SORBS2: variants seen among roughly 807,000 people sequenced by gnomAD.
SORBS2 encodes the protein sorbin and SH3 domain-containing protein 2.
In SORBS2, 46 loss-of-function variants were observed where a neutral mutation model predicts 97.7. The observed-to-expected ratio is 0.47, with a 90% CI of 0.37 to 0.60. The LOEUF is 0.60. Among genes scored for constraint, SORBS2 ranks in the 20% least tolerant of loss-of-function variants. The pLI, the probability that SORBS2 is intolerant of heterozygous loss-of-function variation, is 0.00. For synonymous variants in SORBS2, 476 were observed against 473.4 expected (o/e 1.01, Z -0.07); for missense variants, 1,316 against 1,282.3 (o/e 1.03, Z -0.40).
intron 2 of SORBS2, among the ~76,000 whole-genome samples, chr4:185,685,376 T>G (rs2097936529): frequency 6.6e-6 from 1 of 152,198 alleles, no homozygotes; most frequent in Non-Finnish European, 1.5e-5. Flanking sequence ...TACATTTTTT[T>G]AGGATTCATA....
At chr4:185,721,405 A>C (rs2098513765) in intron 2 of SORBS2, among the ~76,000 whole-genome samples, 2 of 152,230 alleles carry the variant, frequency 1.3e-5, no homozygotes, top group South Asian at 4.1e-4. Flanking sequence ...GACAGATGTG[A>C]ACGTTTGATC....
intron 12 of SORBS2, among the ~76,000 whole-genome samples, chr4:185,599,951 G>A (rs1421281492): frequency 6.6e-6 from 1 of 152,210 alleles, no homozygotes; most frequent in Non-Finnish European, 1.5e-5. Context: ...ACCCTACCCT[G>A]TGGGAACCGC....
At chr4:185,669,070 C>T (rs2097666577) in intron 4 of SORBS2, among the ~76,000 whole-genome samples, 1 of 152,218 alleles carries the variant, frequency 6.6e-6, no homozygotes, top group Non-Finnish European at 1.5e-5. Flanking sequence ...ACCCAGAATG[C>T]TAAAGAGAGC....
intron 2 of SORBS2, among the ~76,000 whole-genome samples, chr4:185,762,277 G>A (rs573408100): frequency 6.6e-6 from 1 of 152,316 alleles, no homozygotes; most frequent in East Asian, 1.9e-4. Flanking sequence ...GTGGGAGTTG[G>A]AAAGTGAGTT....
intron 1 of SORBS2, among the ~76,000 whole-genome samples, chr4:185,873,527 A>C (rs958759402): frequency 4.6e-5 from 7 of 152,224 alleles, no homozygotes; most frequent in African/African-American, 1.4e-4. Context: ...CAGGAAAGAC[A>C]GTTTGAAATT....
rs575156208 is a variant in SORBS2 at position 185,782,672 on chromosome 4, A to G, written c.-337-7306T>C. Among the ~76,000 whole-genome samples, 5 of 152,332 alleles carry G rather than the reference A, an allele frequency of 3.3e-5. No homozygotes were observed. The South Asian group carries it at 1.0e-3, about 32-fold the overall frequency. The stretch of plus-strand genomic sequence containing the variant: ...GTATGAAACTCTTTCTTGTGGCCAT[A>G]TTATGCATAAGTTATAAACAGACAA... On this transcript the variant is annotated intron_variant, in intron 1 of 20. Coordinates refer to the SORBS2 transcript ENST00000284776.
chr4:185,662,795 C>T (rs1301611450), intron 4 of SORBS2, among the ~76,000 whole-genome samples: 2 of 152,152 alleles, frequency 1.3e-5, no homozygotes, highest in African/African-American at 4.8e-5. Flanking sequence ...GGATCAAATA[C>T]CTGGTAAAGG....
At chr4:185,923,670 G>C (rs901223476) in intron 1 of SORBS2, among the ~76,000 whole-genome samples, 1 of 151,614 alleles carries the variant, frequency 6.6e-6, no homozygotes, top group Non-Finnish European at 1.5e-5. Flanking sequence ...ATGAGCATTC[G>C]TTTGCACGTG....
chr4:185,826,980 ACTG>A (rs2153671997), intron 1 of SORBS2, among the ~76,000 whole-genome samples: 1 of 150,680 alleles, frequency 6.6e-6, no homozygotes, highest in South Asian at 2.1e-4. Flanking sequence ...TTCCTTCTCC[ACTG>A]CTACCACTGT....
intron 1 of SORBS2, among the ~76,000 whole-genome samples, chr4:185,950,713 G>T (rs1002499884): frequency 1.3e-5 from 2 of 152,176 alleles, no homozygotes; most frequent in Non-Finnish European, 2.9e-5. Flanking sequence ...GACTTGTTGA[G>T]AGTCTCTGTT....
At chr4:185,819,086 G>T (rs78061679) in intron 1 of SORBS2, among the ~76,000 whole-genome samples, 4,872 of 152,268 alleles carry the variant, frequency 0.032, 106 homozygotes, top group South Asian at 0.057. Flanking sequence ...TAACACATGA[G>T]AAAGTCTTAT....
chr4:185,773,059 A>AC (rs1560937115), intron 2 of SORBS2: 47 of 151,456 alleles, frequency 3.1e-4, no homozygotes, highest in African/African-American at 1.0e-3. Context: ...AGAAAGAAAA[A>AC]AAAAACAAAA....
At chr4:185,692,600 T>G (rs897781594) in intron 2 of SORBS2, among the ~76,000 whole-genome samples, 1 of 152,156 alleles carries the variant, frequency 6.6e-6, no homozygotes, top group African/African-American at 2.4e-5. Flanking sequence ...TCATTACTGA[T>G]GAAAAATTAT....
intron 1 of SORBS2, among the ~76,000 whole-genome samples, chr4:185,872,733 G>A (rs4862580): frequency 0.43 from 65,371 of 152,060 alleles, 15,203 homozygotes; most frequent in East Asian, 0.72. Context: ...GGAGAAAGAG[G>A]GAGGGAGGAT....
chr4:185,624,274 G>T (rs1350648598), exon 7 of SORBS2: 5 of 1,614,176 alleles, frequency 3.1e-6, no homozygotes, highest in Non-Finnish European at 4.2e-6. Flanking sequence ...CACAGCTCCG[G>T]GATTTGATTT....
At chr4:185,624,489 C>A (rs1233954797) in exon 7 of SORBS2, 1 of 1,600,996 alleles carries the variant, frequency 6.2e-7, no homozygotes, top group Non-Finnish European at 8.5e-7. Flanking sequence ...TTGCTATCAT[C>A]CCCACCTTTT....
At chr4:185,692,200 C>T (rs947234567) in intron 2 of SORBS2, among the ~76,000 whole-genome samples, 5 of 152,168 alleles carry the variant, frequency 3.3e-5, no homozygotes, top group African/African-American at 7.2e-5. Context: ...TGTCTGACCC[C>T]GGCCACTTGG....
At chr4:185,687,219 G>T (rs1178569379) in intron 2 of SORBS2, among the ~76,000 whole-genome samples, 3 of 151,978 alleles carry the variant, frequency 2.0e-5, no homozygotes, top group Non-Finnish European at 4.4e-5. Context: ...ACAGGGATAG[G>T]GTCTCACTAT....
intron 1 of SORBS2, among the ~76,000 whole-genome samples, chr4:185,847,157 TGA>T (rs763436935): frequency 1.3e-5 from 2 of 152,228 alleles, no homozygotes; most frequent in Non-Finnish European, 2.9e-5. Context: ...TGATAGAGTC[TGA>T]GAGTATTCCC....
Sources: gnomAD v4.1 joint callset for allele counts (sites outside exome capture counted in the v4.1 genomes callset) on GRCh38, gnomAD v4.1.1 for gene constraint, MANE v1.5 for transcripts, NCBI Gene and HGNC (gene_info 2026-07-23, HGNC 2026-07-21) for gene names.